WDHD1: variants seen among roughly 807,000 people sequenced by gnomAD.
WDHD1 encodes WD repeat and HMG-box DNA binding protein 1, also known as WD repeat and HMG-box DNA-binding protein 1.
In WDHD1, 111 loss-of-function variants were observed where a neutral mutation model predicts 135.4. The ratio of observed to expected loss-of-function variants is 0.82; its 90% CI spans 0.70 to 0.96. The LOEUF (loss-of-function observed/expected upper bound fraction) is 0.96. Ranked by LOEUF, WDHD1 falls within the 40% of genes least tolerant of loss-of-function variation. WDHD1 has a pLI of 0.00. For synonymous variants in WDHD1, 434 were observed against 439.0 expected (o/e 0.99, Z 0.14); for missense variants, 1,351 against 1,336.3 (o/e 1.01, Z -0.17).
Position 55,000,607 on chromosome 14 carries a change from C to T in WDHD1, c.838G>A (p.Ala280Thr), listed in dbSNP as rs757544648. ...HEKGYAICGL[A>T]WHPTCGRISY... is the part of the protein sequence containing the mutation. ...ATTCGACCACAAGTAGGATGCCATGCCAGACCACAAATTGCATAACCTTTC... is the reference window on the plus strand; with the variant it reads ...ATTCGACCACAAGTAGGATGCCATGTCAGACCACAAATTGCATAACCTTTC... The change falls in exon 10 of 26, where the codon GCA (alanine) becomes ACA (threonine). Residue 280 changes from alanine (A) to threonine (T), a missense_variant. By Grantham distance (58) the Ala-to-Thr change is moderately conservative. Transcript: ENST00000360586. 1.2e-6 allele frequency: 2 copies of T among 1,600,312 alleles called. No individual in the cohort carries two copies. The highest frequency in any genetic ancestry group is 2.3e-5 in the South Asian group (2 of 88,686).
intron 18 of WDHD1, 135 bp downstream of exon 18, chr14:54,966,340 A>AAACAAC (rs143022988): frequency 1.5e-5 from 16 of 1,033,172 alleles, no homozygotes; most frequent in African/African-American, 6.9e-5. Context: ...GTCGCACAAA[A>AAACAAC]AACAACAACA....
intron 17 of WDHD1, among the ~76,000 whole-genome samples, chr14:54,966,808 G>A (rs2041353790): frequency 6.6e-6 from 1 of 152,162 alleles, no homozygotes; most frequent in African/African-American, 2.4e-5. Flanking sequence ...AGCTGGGGAG[G>A]AATACAGCAT....
intron 2 of WDHD1, among the ~76,000 whole-genome samples, chr14:55,016,928 C>T (rs1415338511): frequency 2.0e-5 from 3 of 152,008 alleles, no homozygotes; most frequent in African/African-American, 7.3e-5. Context: ...GGTGGTATGG[C>T]CATAGACAGC....
chr14:54,949,810 T>A (rs1040935987), intron 24 of WDHD1, among the ~76,000 whole-genome samples: 6 of 152,232 alleles, frequency 3.9e-5, no homozygotes, highest in African/African-American at 1.4e-4. Context: ...AGAAACTCTA[T>A]GAGCCAGAAG....
intron 16 of WDHD1, among the ~76,000 whole-genome samples, chr14:54,974,997 C>A (rs931060923): frequency 5.3e-5 from 8 of 152,200 alleles, no homozygotes; most frequent in Non-Finnish European, 7.3e-5. Flanking sequence ...AGCATAATGA[C>A]TTTACAAGCC....
intron 15 of WDHD1, among the ~76,000 whole-genome samples, chr14:54,983,063 C>T (rs2041643744): frequency 6.6e-6 from 1 of 152,050 alleles, no homozygotes; most frequent in Non-Finnish European, 1.5e-5. Context: ...ACTCGGGAGG[C>T]TGAGGTACGA....
chr14:54,993,202 C>T (rs906925653), intron 11 of WDHD1, among the ~76,000 whole-genome samples: 2 of 152,120 alleles, frequency 1.3e-5, no homozygotes, highest in African/African-American at 2.4e-5. Flanking sequence ...ACTGCAGCCT[C>T]GACCTCTCGG....
intron 24 of WDHD1, among the ~76,000 whole-genome samples, chr14:54,951,249 A>AG (rs1875105384): frequency 6.6e-6 from 1 of 151,832 alleles, no homozygotes; most frequent in Admixed American, 6.6e-5. Flanking sequence ...ATAGACCGCT[A>AG]GCAAGACTAA....
chr14:54,949,670 C>T (rs1165608929), intron 24 of WDHD1, among the ~76,000 whole-genome samples: 1 of 152,000 alleles, frequency 6.6e-6, no homozygotes, highest in East Asian at 1.9e-4. Flanking sequence ...AGATACTCCT[C>T]GAGAAGAGCA....
chr14:54,991,138 T>C, intron 12 of WDHD1, 75 bp downstream of exon 12: 1 of 769,824 alleles, frequency 1.3e-6, no homozygotes, highest in Non-Finnish European at 2.1e-6. Flanking sequence ...ATATGTTTTA[T>C]CCAAAAAAAT....
intron 16 of WDHD1, among the ~76,000 whole-genome samples, chr14:54,968,827 G>A (rs1453711217): frequency 6.6e-6 from 1 of 152,080 alleles, no homozygotes; most frequent in Non-Finnish European, 1.5e-5. Context: ...AATCACTTGA[G>A]GTCAGAAGTT....
chr14:54,940,760 A>T lies in WDHD1; in HGVS notation c.*730T>A, dbSNP rs1215799203. On this transcript the variant is annotated 3_prime_UTR_variant, in exon 26 of 26. Transcript: ENST00000360586. ...GCAATACTGTCACAGCAGTGTCTTC[A>T]GTTCTTCTCTACTGTGTATAATGCA... The T allele has an allele frequency of 1.3e-5, 2 of 152,174 alleles. No homozygotes were observed. The highest frequency in any genetic ancestry group is 4.8e-5 in the African/African-American group (2 of 41,444). 9.4% of individuals were successfully genotyped at this position (152,174 alleles called of 1,614,324 possible).
chr14:55,001,117 C>A, intron 8 of WDHD1, 125 bp from the exon 9 acceptor site: 10 of 498,354 alleles, frequency 2.0e-5, no homozygotes, highest in Non-Finnish European at 3.0e-5. Flanking sequence ...CAACCAAATT[C>A]AAATTTTTAT....
chr14:54,967,357 G>T lies in WDHD1; in HGVS notation c.2101C>A (p.Leu701Ile), dbSNP rs756726171. ...AATATAGCAACAGCAGGGCGTGGAA[G>T]GGTTGGGGGAAACCGAGAACCTTTA... ...PCKGSRFPPT[L>I]PRPAVAILSF... The change falls in exon 17 of 26, where the codon CTT becomes ATT. Residue 701 changes from leucine to isoleucine, a missense_variant. Leu to Ile is a conservative substitution (Grantham distance 5, BLOSUM62 2). Around this residue, in one of 2 missense-constraint regions of WDHD1, gnomAD observed 1,330 missense variants for 1,296.1 expected, o/e 1.03. Transcript: ENST00000360586. 3 of 1,612,210 alleles carry T rather than the reference G, an allele frequency of 1.9e-6. No individual in the cohort carries two copies. In the African/African-American group the frequency reaches 4.0e-5, roughly 22 times the overall value.
At chr14:54,984,947 T>C in intron 14 of WDHD1, 87 bp from the exon 15 acceptor site, 1 of 1,542,158 alleles carries the variant, frequency 6.5e-7, no homozygotes, top group Non-Finnish European at 8.8e-7. Flanking sequence ...ATTGATTTTG[T>C]GGTAAATTAC....
intron 7 of WDHD1, among the ~76,000 whole-genome samples, chr14:55,003,797 C>T (rs910507361): frequency 1.3e-5 from 2 of 152,042 alleles, no homozygotes; most frequent in African/African-American, 4.8e-5. Context: ...CTCCTGACCT[C>T]AGGGGATCCA....
chr14:55,018,077 TTGGAG>T (rs2140230856), intron 2 of WDHD1, among the ~76,000 whole-genome samples: 1 of 152,292 alleles, frequency 6.6e-6, no homozygotes, highest in African/African-American at 2.4e-5. Flanking sequence ...CTCCCTCTGC[TTGGAG>T]TGATTGGGTT....
At chr14:55,003,335 C>T (rs1308880963) in intron 7 of WDHD1, among the ~76,000 whole-genome samples, 1 of 151,730 alleles carries the variant, frequency 6.6e-6, no homozygotes, top group Non-Finnish European at 1.5e-5. Flanking sequence ...CATAATGAGA[C>T]CCTGTCTCTA....
intron 15 of WDHD1, among the ~76,000 whole-genome samples, chr14:54,982,132 G>A (rs1323830412): frequency 4.0e-5 from 6 of 151,470 alleles, no homozygotes; most frequent in South Asian, 2.1e-4. Flanking sequence ...TCAGCCTCCC[G>A]AGTAGCTGGG....
Sources: allele counts gnomAD v4.1 joint callset (sites outside exome capture counted in the v4.1 genomes callset), GRCh38; gene constraint gnomAD v4.1.1; regional missense constraint gnomAD v4.1.1; transcripts MANE v1.5; gene names NCBI Gene and HGNC (gene_info 2026-07-23, HGNC 2026-07-21).